The following R3HDM2 variants were observed in gnomAD, a reference collection of about 807,000 sequenced individuals.
R3HDM2 encodes R3H domain containing 2.
R3HDM2 carries 38 observed loss-of-function variants against 124.5 expected under a neutral mutation model. The ratio of observed to expected loss-of-function variants is 0.31; its 90% CI spans 0.24 to 0.40. The LOEUF (loss-of-function observed/expected upper bound fraction) is 0.40, where lower values mean the gene tolerates loss of function less well. Among genes scored for constraint, R3HDM2 ranks in the 10% least tolerant of loss-of-function variants. The pLI is 1.00. For missense variants in R3HDM2, 869 were observed against 1,236.9 expected (o/e 0.70, Z 4.46); for synonymous variants, 391 against 448.0 (o/e 0.87, Z 1.61).
intron 2 of R3HDM2, among the ~76,000 whole-genome samples, chr12:57,394,657 A>G (rs2067226506): frequency 1.3e-5 from 2 of 152,314 alleles, no homozygotes; most frequent in African/African-American, 4.8e-5. Context: ...TCAATAACTG[A>G]TATGATAGTA....
In R3HDM2 at chr12:57,269,444, C is replaced by G; in HGVS notation, c.1593G>C (p.Gln531His). 6.2e-7 allele frequency: 1 copy of G among 1,614,036 alleles called. No individual in the cohort carries two copies. The highest frequency in any genetic ancestry group is 8.5e-7 in the Non-Finnish European group (1 of 1,179,980). Residue 531 changes from glutamine (Q) to histidine (H), a missense_variant, in exon 16 of 24, where the codon CAG (glutamine) becomes CAC (histidine). By Grantham distance (24) the Gln-to-His change is conservative (BLOSUM62 0). Around this residue, in one of 2 missense-constraint regions of R3HDM2, gnomAD observed 602 missense variants for 789.2 expected, o/e 0.76. Transcript: ENST00000402412. ...ATTGTCCAGGGGGATAGTAAGAAAC[C>G]TGGATCTATGGTGAGAGGAGACAGA... ...QGYMQPPQQIQVSYYPPGQYP... is the reference protein window; with the variant it reads ...QGYMQPPQQIHVSYYPPGQYP...
At chr12:57,325,605 G>C (rs1234595241) in intron 2 of R3HDM2, among the ~76,000 whole-genome samples, 1 of 151,968 alleles carries the variant, frequency 6.6e-6, no homozygotes, top group Non-Finnish European at 1.5e-5. Context: ...GGAGTGCAGT[G>C]GTGTGATCAT....
At chr12:57,283,608 G>A (rs987664878) in intron 13 of R3HDM2, among the ~76,000 whole-genome samples, 4 of 151,974 alleles carry the variant, frequency 2.6e-5, no homozygotes, top group South Asian at 2.1e-4. Flanking sequence ...GTGTGGTGGC[G>A]CATGCCTGTA....
At chr12:57,356,881 G>A (rs1298706127) in intron 2 of R3HDM2, among the ~76,000 whole-genome samples, 2 of 152,144 alleles carry the variant, frequency 1.3e-5, no homozygotes, top group Admixed American at 1.3e-4. Flanking sequence ...GCCGAGGCGG[G>A]CGAATCGCGA....
At chr12:57,363,384 A>G (rs1201103684) in intron 2 of R3HDM2, among the ~76,000 whole-genome samples, 1 of 152,052 alleles carries the variant, frequency 6.6e-6, no homozygotes, top group Non-Finnish European at 1.5e-5. Context: ...ACACTTTATC[A>G]CCCCCAAAAG....
At chr12:57,288,812 T>C in intron 12 of R3HDM2, 197 bp downstream of exon 12, 4 of 1,474,194 alleles carry the variant, frequency 2.7e-6, no homozygotes, top group Non-Finnish European at 2.8e-6. Flanking sequence ...CAAAACAAAA[T>C]AAAATTAAAA....
At chr12:57,283,748 GT>G in intron 13 of R3HDM2, 75 bp downstream of exon 13, 1 of 1,430,800 alleles carries the variant, frequency 7.0e-7, no homozygotes, top group East Asian at 2.3e-5. Flanking sequence ...AAAAAAAAAA[GT>G]AAATATCAGT....
chr12:57,370,462 A>G (rs1441832483), intron 2 of R3HDM2, among the ~76,000 whole-genome samples: 4 of 148,726 alleles, frequency 2.7e-5, no homozygotes, highest in East Asian at 4.0e-4. Context: ...CCAACATGGA[A>G]AAACCCCATC....
At chr12:57,365,558 C>A (rs376740849) in intron 2 of R3HDM2, among the ~76,000 whole-genome samples, 15 of 152,276 alleles carry the variant, frequency 9.9e-5, no homozygotes, top group African/African-American at 3.6e-4. Flanking sequence ...CTGTTGGGAT[C>A]ACACAGATCC....
At chr12:57,388,477 G>T (rs1193648432) in intron 2 of R3HDM2, among the ~76,000 whole-genome samples, 2 of 152,202 alleles carry the variant, frequency 1.3e-5, no homozygotes, top group Non-Finnish European at 2.9e-5. Context: ...AGACACAAAG[G>T]CTTGCTTGCT....
At chr12:57,358,843 C>A (rs954459532) in intron 2 of R3HDM2, among the ~76,000 whole-genome samples, 1 of 151,934 alleles carries the variant, frequency 6.6e-6, no homozygotes, top group Admixed American at 6.6e-5. Context: ...GTTGAAATCT[C>A]CAACTATGCT....
intron 1 of R3HDM2, among the ~76,000 whole-genome samples, chr12:57,402,824 T>C (rs1462254661): frequency 1.3e-5 from 2 of 152,070 alleles, no homozygotes; most frequent in South Asian, 4.2e-4. Flanking sequence ...CCCAAAATGC[T>C]GGGATTACAG....
In R3HDM2 at chr12:57,296,569, GA is replaced by G. The variant is rs753251644; in HGVS notation, c.561-19del. ...ACTGATTACTGAAGGGAAACCCGGG[GA>G]AAAAAAGTGAAATAAGACAAACAAC... On this transcript the variant is annotated intron_variant, in intron 8 of 23. Coordinates refer to ENST00000402412, the MANE Select transcript of R3HDM2 (RefSeq NM_001394031.1). This position sits in a 1 kb window ranked among gnomAD's most constrained non-coding sequence, Gnocchi z 4.5. The G allele has an allele frequency of 2.0e-6, 3 of 1,538,144 alleles. No homozygotes were observed. Among genetic ancestry groups the G allele is most frequent in the Non-Finnish European group, 2.6e-6 (3 of 1,140,454 alleles).
At chr12:57,397,575 A>C (rs944785520) in intron 1 of R3HDM2, among the ~76,000 whole-genome samples, 2 of 152,126 alleles carry the variant, frequency 1.3e-5, no homozygotes, top group Non-Finnish European at 2.9e-5. Flanking sequence ...TAGTTGGCTA[A>C]AGTTGCGAAG....
chr12:57,293,423 G>A (rs1255072954), intron 10 of R3HDM2, among the ~76,000 whole-genome samples: 1 of 152,090 alleles, frequency 6.6e-6, no homozygotes, highest in Non-Finnish European at 1.5e-5. Context: ...CAGAGAGATA[G>A]ACAAGGAAAA....
chr12:57,320,426 AT>A (rs2056237702), intron 2 of R3HDM2, among the ~76,000 whole-genome samples: 11 of 152,090 alleles, frequency 7.2e-5, no homozygotes. Context: ...ACTACTTCAT[AT>A]GTAATGGTGA....
intron 1 of R3HDM2, among the ~76,000 whole-genome samples, chr12:57,427,783 G>A (rs113183445): frequency 6.6e-6 from 1 of 151,884 alleles, no homozygotes; most frequent in African/African-American, 2.4e-5. Flanking sequence ...TTGCCATCCA[G>A]ATAGCCAAGG....
chr12:57,258,329 T>TA (rs1357991487), intron 20 of R3HDM2, among the ~76,000 whole-genome samples, 192 bp from the exon 21 acceptor site: 8 of 151,016 alleles, frequency 5.3e-5, no homozygotes, highest in African/African-American at 1.2e-4. Context: ...TTTATTTATT[T>TA]ATTTATTTAT....
intron 2 of R3HDM2, among the ~76,000 whole-genome samples, chr12:57,352,908 G>A (rs560917683): frequency 3.9e-5 from 6 of 152,016 alleles, no homozygotes; most frequent in African/African-American, 7.2e-5. Flanking sequence ...AATTAAATAC[G>A]GTACCAGATG....
Sources: gnomAD v4.1 joint callset for allele counts (sites outside exome capture counted in the v4.1 genomes callset) on GRCh38, gnomAD v4.1.1 for gene constraint, gnomAD v4.1.1 regional missense constraint, Gnocchi (gnomAD v3.1) non-coding constraint, MANE v1.5 for transcripts, NCBI Gene and HGNC (gene_info 2026-07-23, HGNC 2026-07-21) for gene names.